The following SPTBN4 variants were observed in gnomAD, a reference collection of about 807,000 sequenced individuals.
SPTBN4 encodes spectrin beta, non-erythrocytic 4, also known as spectrin beta chain, non-erythrocytic 4.
SPTBN4 carries 96 observed loss-of-function variants against 277.8 expected under a neutral mutation model. The observed-to-expected ratio is 0.35, with a 90% CI of 0.29 to 0.41. SPTBN4 has a LOEUF of 0.41. Among genes scored for constraint, SPTBN4 ranks in the 10% least tolerant of loss-of-function variants. SPTBN4 has a pLI of 1.00. For synonymous variants in SPTBN4, 1,481 were observed against 1,580.3 expected, an observed-to-expected ratio of 0.94 and a Z score of 1.49; for missense variants, 3,006 against 3,595.7, an observed-to-expected ratio of 0.84 and a Z score of 4.19.
chr19:40,575,441 G>A lies in SPTBN4; in HGVS notation c.7567G>A (p.Ala2523Thr), dbSNP rs1393124669. Reference sequence around the variant, plus strand: ...GATGAACGGCTGGCTGGAGGCTGTAGCTTCCTCGGTGGCGGAACACGCAGA... The same window carrying A: ...GATGAACGGCTGGCTGGAGGCTGTAACTTCCTCGGTGGCGGAACACGCAGA... Reference protein sequence around the residue: ...EEMNGWLEAVASSVAEHAEIA... With the variant: ...EEMNGWLEAVTSSVAEHAEIA... The change falls in exon 36 of 36, where the codon GCT (alanine) becomes ACT (threonine). Residue 2523 changes from alanine to threonine, a missense_variant. By Grantham distance (58) the Ala-to-Thr change is moderately conservative (BLOSUM62 0). Transcript: ENST00000598249. 3.7e-6 allele frequency: 6 copies of A among 1,613,218 alleles called. No homozygotes were observed. The highest frequency in any genetic ancestry group is 5.1e-6 in the Non-Finnish European group (6 of 1,179,836).
At chr19:40,569,997 CACACAGACACACAG>C (rs1568382113) in intron 32 of SPTBN4, among the ~76,000 whole-genome samples, 28 of 150,072 alleles carry the variant, frequency 1.9e-4, no homozygotes, top group African/African-American at 3.4e-4. Context: ...CAGACACACA[CACACAGACACACAG>C]ACACAGATAC....
chr19:40,550,089 AAAAAAAC>A, intron 21 of SPTBN4, 142 bp from the exon 22 acceptor site: 1 of 624,628 alleles, frequency 1.6e-6, no homozygotes, highest in Non-Finnish European at 2.7e-6. Flanking sequence ...CAAAGAAAAA[AAAAAAAC>A]AAAAAATGGA....
chr19:40,549,248 G>A lies in SPTBN4; in HGVS notation c.4419G>A (p.Thr1473=), dbSNP rs890741769. ...YREVGELQAQ[T]AALPLEPASK... ...AGGTGGGAGAGCTGCAGGCGCAGAC[G>A]GCGGCGCTGCCGCTGGAGCCGGCGA... Residue 1473 remains threonine, a synonymous_variant, in exon 21 of 36, where the codon ACG becomes ACA. Coordinates refer to ENST00000598249, the MANE Select transcript of SPTBN4 (RefSeq NM_020971.3). 6.5e-7 allele frequency: 1 copy of A among 1,547,520 alleles called. No individual in the cohort carries two copies. Among genetic ancestry groups the A allele is most frequent in the Non-Finnish European group, 8.7e-7 (1 of 1,146,958 alleles).
rs185145275 is a variant in SPTBN4, at chr19:40,476,687, A to C, written c.169+3897A>C. On this transcript the variant is annotated intron_variant, in intron 2 of 35. Coordinates refer to ENST00000598249, the MANE Select transcript of SPTBN4 (RefSeq NM_020971.3). ...ACTGCAAGCTCCGCCTCCTGGGTTC[A>C]TGCCATTCTCCTGCCTCAGCCTCCC... 4.8e-3 allele frequency among the ~76,000 whole-genome samples: 732 copies of C among 152,106 alleles called. 5 individuals are homozygous for C. The highest frequency in any genetic ancestry group is 0.017 in the African/African-American group (686 of 41,502).
At chr19:40,553,952 A>T (rs1227051929) in intron 22 of SPTBN4, among the ~76,000 whole-genome samples, 195 bp from the exon 23 acceptor site, 1 of 152,058 alleles carries the variant, frequency 6.6e-6, no homozygotes, top group Non-Finnish European at 1.5e-5. Flanking sequence ...CTGTTTTCCC[A>T]CCTGCAGCAA....
chr19:40,539,666 G>T (rs1399570087), intron 20 of SPTBN4, among the ~76,000 whole-genome samples: 2 of 151,542 alleles, frequency 1.3e-5, no homozygotes, highest in Non-Finnish European at 2.9e-5. Context: ...TTTTAGTAGA[G>T]ACGGGGTTTC....
chr19:40,486,233 A>G (rs2080070669), intron 2 of SPTBN4, among the ~76,000 whole-genome samples: 1 of 151,848 alleles, frequency 6.6e-6, no homozygotes, highest in Admixed American at 6.6e-5. Flanking sequence ...AGAGGTTGCA[A>G]TGAGCCAAGA....
At chr19:40,503,583 G>A (rs1164593232) in intron 11 of SPTBN4, among the ~76,000 whole-genome samples, 2 of 144,690 alleles carry the variant, frequency 1.4e-5, no homozygotes, top group Non-Finnish European at 3.0e-5. Context: ...GGCAACAGGG[G>A]ATGGGGGGTT....
In SPTBN4 at chr19:40,506,354, A is replaced by C; in HGVS notation, c.1784A>C (p.Asn595Thr). Residue 595 changes from asparagine to threonine, a missense_variant, in exon 13 of 36, where the codon AAT becomes ACT. Asn to Thr is a moderately conservative substitution (Grantham distance 65, BLOSUM62 0). Coordinates refer to ENST00000598249, the MANE Select transcript of SPTBN4 (RefSeq NM_020971.3). ...AAQSERVEAL[N>T]AAALRFSQLQ... ...CAGAGCGAGCGGGTGGAGGCTCTCA[A>C]TGCCGCTGCCCTGCGCTTCTCCCAG... The C allele has an allele frequency of 6.2e-7, 1 of 1,613,812 alleles. No individual in the cohort carries two copies. Among genetic ancestry groups the C allele is most frequent in the Non-Finnish European group, 8.5e-7 (1 of 1,179,812 alleles).
chr19:40,519,642 G>A lies in SPTBN4; in HGVS notation c.3145G>A (p.Ala1049Thr), dbSNP rs2080501054. The change falls in exon 16 of 36, where the codon GCT becomes ACT. Residue 1049 changes from alanine (A) to threonine (T), a missense_variant. Around this residue, in one of 5 missense-constraint regions of SPTBN4, gnomAD observed 1,759 missense variants for 2,061.5 expected, o/e 0.85. Coordinates refer to ENST00000598249, the MANE Select transcript of SPTBN4 (RefSeq NM_020971.3). The surrounding 1 kb of genome is among the most constrained non-coding windows in gnomAD (Gnocchi z 5.7). ...CCTTCTGGAGGAGGCAGCCCTGCTG[G>A]CTGAGCGCTTCCCGGCGCAGGCGGC... Reference protein sequence around the residue: ...AALLEEAALLAERFPAQAARL... With the variant: ...AALLEEAALLTERFPAQAARL... The A allele has an allele frequency of 7.1e-7, 1 of 1,409,820 alleles. No individual in the cohort carries two copies. The highest frequency in any genetic ancestry group is 3.6e-5 in the Admixed American group (1 of 27,748). The allele number at this position is 1,409,820 out of a possible 1,614,324, so 87.3% of individuals were successfully genotyped here. A position where few individuals can be genotyped will look rare whatever the true frequency, so the allele number is the denominator to read the frequency against.
chr19:40,492,053 CAAAG>C (rs942145602), intron 4 of SPTBN4, among the ~76,000 whole-genome samples: 14 of 145,616 alleles, frequency 9.6e-5, no homozygotes, highest in Non-Finnish European at 2.1e-4. Flanking sequence ...AAAAAAAAAA[CAAAG>C]AAAGATCCCT....
Position 40,556,997 on chromosome 19 carries a change from C to CG in SPTBN4, c.5290-26_5290-25insG, listed in dbSNP as rs780562226. The CG allele has an allele frequency of 5.1e-5, 18 of 353,094 alleles. No individual in the cohort carries two copies. In the South Asian group the frequency reaches 1.2e-3, roughly 23 times the overall value. The allele number at this position is 353,094 out of a possible 1,614,324, so 21.9% of individuals were successfully genotyped here. A position where few individuals can be genotyped will look rare whatever the true frequency, so the allele number is the denominator to read the frequency against. On this transcript the variant is annotated intron_variant, in intron 25 of 35. Coordinates refer to ENST00000598249, the MANE Select transcript of SPTBN4 (RefSeq NM_020971.3). ...CTGCCCCTTTGCTCACTTTGCTGTA[C>CG]CCCCCCCCCCACTTCCTGATGGCAG...
rs1040393325 is a variant in SPTBN4 at position 40,549,405 on chromosome 19, G to A, written c.4576G>A (p.Asp1526Asn). The A allele has an allele frequency of 6.7e-6, 9 of 1,348,444 alleles. No homozygotes were observed. The highest frequency in any genetic ancestry group is 8.7e-6 in the Non-Finnish European group (9 of 1,033,926). 83.5% of individuals were successfully genotyped at this position (1,348,444 alleles called of 1,614,324 possible). ...ELHQVAHDLD[D>N]ELAWVQERLP... The stretch of plus-strand genomic sequence containing the variant: ...GCACCAGGTGGCGCACGACCTGGAC[G>A]ACGAGCTGGTGAGGCCAGCGCAGGG... Residue 1526 changes from aspartate (D) to asparagine (N), a missense_variant, in exon 21 of 36, where the codon GAC becomes AAC. Coordinates refer to ENST00000598249, the MANE Select transcript of SPTBN4 (RefSeq NM_020971.3).
At chr19:40,489,022 A>C (rs1050368402) in intron 3 of SPTBN4, among the ~76,000 whole-genome samples, 3 of 151,530 alleles carry the variant, frequency 2.0e-5, no homozygotes, top group African/African-American at 7.3e-5. Context: ...CCGTTTCTAC[A>C]AAAAATTTTT....
chr19:40,487,977 C>A, intron 3 of SPTBN4, 129 bp downstream of exon 3: 2 of 1,096,996 alleles, frequency 1.8e-6, no homozygotes, highest in Middle Eastern at 3.1e-4. Context: ...GCTGGAAGGG[C>A]CCTGTGGGTA....
chr19:40,561,453 G>A (rs1313799704), intron 27 of SPTBN4, among the ~76,000 whole-genome samples: 2 of 152,254 alleles, frequency 1.3e-5, no homozygotes, highest in South Asian at 2.1e-4. Flanking sequence ...TGCATATGGT[G>A]TGCCATGTGG....
At position 40,472,626 on chromosome 19, in the gene SPTBN4, C is replaced by T. The variant is rs139091351; in HGVS notation, c.5C>T (p.Ala2Val). M[A>V]QVPGEVDNME... ...GTCCAGGCCTCACCTTCCCCGATGG[C>T]GCAGGTACCAGGGGAAGTGGACAAC... The change falls in exon 2 of 36, where the codon GCG becomes GTG. Residue 2 changes from alanine to valine, a missense_variant. Physicochemically the swap from Ala to Val is moderately conservative, Grantham distance 64 (BLOSUM62 0). Transcript: ENST00000598249. 1.6e-5 allele frequency: 26 copies of T among 1,611,794 alleles called. No homozygotes were observed. Among genetic ancestry groups the T allele is most frequent in the African/African-American group, 1.1e-4 (8 of 74,906 alleles).
Position 40,532,750 on chromosome 19 carries a change from G to A in SPTBN4, c.4074G>A (p.Glu1358=), listed in dbSNP as rs773536333. The A allele has an allele frequency of 6.2e-7, 1 of 1,613,314 alleles. No homozygotes were observed. Among genetic ancestry groups the A allele is most frequent in the East Asian group, 2.2e-5 (1 of 44,844 alleles). Residue 1358 remains glutamate (E), a synonymous_variant, in exon 19 of 36, where the codon GAG becomes GAA. Coordinates refer to ENST00000598249, the MANE Select transcript of SPTBN4 (RefSeq NM_020971.3). ...AFMAELAQNK[E]WLEKIEREGQ... is the part of the protein sequence containing the mutation. ...TGGCCGAGCTGGCTCAGAATAAGGA[G>A]TGGCTGGAGAAGATCGAGCGGGTGA... is the stretch of plus-strand genomic sequence containing the variant.
intron 20 of SPTBN4, among the ~76,000 whole-genome samples, chr19:40,541,226 T>C (rs532162720): frequency 5.3e-5 from 8 of 152,270 alleles, no homozygotes; most frequent in Admixed American, 5.2e-4. Flanking sequence ...GGGGGTTCAG[T>C]CTCAACCAAG....
Sources: gnomAD v4.1 joint callset for allele counts (sites outside exome capture counted in the v4.1 genomes callset) on GRCh38, gnomAD v4.1.1 for gene constraint, gnomAD v4.1.1 regional missense constraint, Gnocchi (gnomAD v3.1) non-coding constraint, MANE v1.5 for transcripts, NCBI Gene and HGNC (gene_info 2026-07-23, HGNC 2026-07-21) for gene names.